PCDHGB2: variants seen among roughly 807,000 people sequenced by gnomAD.
PCDHGB2 encodes the protein protocadherin gamma subfamily B, 2.
In PCDHGB2, 55 loss-of-function variants were observed where a neutral mutation model predicts 59.3. The ratio of observed to expected loss-of-function variants is 0.93; its 90% CI spans 0.75 to 1.16. The LOEUF (loss-of-function observed/expected upper bound fraction) is 1.16. PCDHGB2 is among the 50% of genes most tolerant of loss of function. The pLI is 0.00. For missense variants in PCDHGB2, 1,228 were observed against 1,198.5 expected (o/e 1.02, Z -0.36); for synonymous variants, 516 against 512.0 (o/e 1.01, Z -0.11).
chr5:141,395,542 TTGTGTGTGTG>T lies in PCDHGB2; in HGVS notation c.2421+33026_2421+33035del, dbSNP rs55729045. 945 of 172,430 alleles carry T rather than the reference TTGTGTGTGTG, an allele frequency of 5.5e-3. 2 individuals carry two copies. The highest frequency in any genetic ancestry group is 0.011 in the African/African-American group (192 of 17,544). 10.7% of individuals were successfully genotyped at this position (172,430 alleles called of 1,614,324 possible). A position where few individuals can be genotyped will look rare whatever the true frequency, so the allele number is the denominator to read the frequency against. On this transcript the variant is annotated intron_variant, in intron 1 of 3. Coordinates refer to ENST00000522605, the MANE Select transcript of PCDHGB2 (RefSeq NM_018923.3). ...TCCATACTGGTAATTTTGCTATTGT[TTGTGTGTGTG>T]TGTGTGTGTGTGTGTGTGTGTGTGT...
chr5:141,395,655 A>G (rs1302159911), intron 1 of PCDHGB2: 1 of 164,294 alleles, frequency 6.1e-6, no homozygotes, highest in East Asian at 1.8e-4. Context: ...GCTTAGCAAA[A>G]GTAAAATATA....
intron 1 of PCDHGB2, among the ~76,000 whole-genome samples, chr5:141,443,210 G>A (rs142248407): frequency 3.2e-4 from 49 of 151,888 alleles, no homozygotes; most frequent in African/African-American, 9.4e-4. Context: ...AGCTTGTCTC[G>A]CCAGGCGCAT....
chr5:141,384,178 G>A, intron 1 of PCDHGB2: 2 of 1,613,788 alleles, frequency 1.2e-6, no homozygotes, highest in Non-Finnish European at 1.7e-6. Flanking sequence ...AGCCACAGAT[G>A]GTGGAACTCC....
At chr5:141,415,024 G>T in intron 1 of PCDHGB2, 1 of 1,613,568 alleles carries the variant, frequency 6.2e-7, no homozygotes, top group Non-Finnish European at 8.5e-7. Flanking sequence ...CAAGGCCAGC[G>T]AGCCGGGACT....
chr5:141,410,329 G>A, intron 1 of PCDHGB2: 4 of 1,613,982 alleles, frequency 2.5e-6, no homozygotes, highest in Non-Finnish European at 3.4e-6. Flanking sequence ...CCGTGATTCT[G>A]GCCATTGCCT....
intron 1 of PCDHGB2, chr5:141,410,350 A>G (rs2154543015): frequency 1.2e-6 from 2 of 1,613,912 alleles, no homozygotes; most frequent in South Asian, 1.1e-5. Context: ...TGCGCCTGCG[A>G]CGCTCTCTCA....
chr5:141,417,004 AT>A (rs1462550813), intron 1 of PCDHGB2: 1 of 149,888 alleles, frequency 6.7e-6, no homozygotes, highest in African/African-American at 2.5e-5. Context: ...ATCTCAAATA[AT>A]TCTATTATTT....
chr5:141,504,752 A>G (rs1194764381), intron 2 of PCDHGB2, among the ~76,000 whole-genome samples: 23 of 151,894 alleles, frequency 1.5e-4, no homozygotes, highest in Non-Finnish European at 3.2e-4. Flanking sequence ...TGAATTTTAG[A>G]AATTTCTTCT....
intron 1 of PCDHGB2, chr5:141,375,368 A>G (rs774708513): frequency 1.9e-6 from 3 of 1,613,754 alleles, no homozygotes; most frequent in East Asian, 4.5e-5. Context: ...GGACAAAGGA[A>G]CACCACCTCT....
intron 1 of PCDHGB2, chr5:141,400,525 G>C: frequency 2.5e-6 from 4 of 1,613,908 alleles, no homozygotes; most frequent in Non-Finnish European, 2.5e-6. Flanking sequence ...TCCTGAGTTG[G>C]TGAGTTTCAT....
In PCDHGB2 at chr5:141,486,752, C is replaced by G. The variant is rs776406247; in HGVS notation, c.2422-8055C>G. On this transcript the variant is annotated intron_variant, in intron 1 of 3. Transcript: ENST00000522605. The surrounding 1 kb of genome is among the most constrained non-coding windows in gnomAD (Gnocchi z 5.0). ...TGCTACTCGATCCTTTGACTATGAG[C>G]AAACCCAGACACTGCAGTTTGAGGT... 6.2e-7 allele frequency: 1 copy of G among 1,614,244 alleles called. No individual in the cohort carries two copies. The highest frequency in any genetic ancestry group is 1.3e-5 in the African/African-American group (1 of 75,080).
At chr5:141,508,576 C>A (rs1437398161) in intron 3 of PCDHGB2, among the ~76,000 whole-genome samples, 1 of 152,136 alleles carries the variant, frequency 6.6e-6, no homozygotes, top group African/African-American at 2.4e-5. Flanking sequence ...TGCACCCACT[C>A]GGGGTGCTAC....
At chr5:141,381,866 G>A (rs1166624603) in intron 1 of PCDHGB2, among the ~76,000 whole-genome samples, 3 of 53,342 alleles carry the variant, frequency 5.6e-5, no homozygotes, top group Non-Finnish European at 6.8e-5. Flanking sequence ...TTTTGCTCTT[G>A]TTGTCCAGGC....
Position 141,477,540 on chromosome 5 carries a change from C to T in PCDHGB2, c.2422-17267C>T, listed in dbSNP as rs777796922. On this transcript the variant is annotated intron_variant, in intron 1 of 3. Coordinates refer to ENST00000522605, the MANE Select transcript of PCDHGB2 (RefSeq NM_018923.3). The surrounding 1 kb of genome is among the most constrained non-coding windows in gnomAD (Gnocchi z 4.9). Reference sequence around the variant, plus strand: ...GAAGAAAACAACCTCCCCGGGGCTCCAATACTAAACCTAAGTGTCTGGGAC... The same window carrying T: ...GAAGAAAACAACCTCCCCGGGGCTCTAATACTAAACCTAAGTGTCTGGGAC... The T allele has an allele frequency of 6.8e-6, 11 of 1,614,036 alleles. 1 individual carries two copies. Among genetic ancestry groups the T allele is most frequent in the African/African-American group, 2.7e-5 (2 of 74,920 alleles).
intron 2 of PCDHGB2, among the ~76,000 whole-genome samples, chr5:141,498,945 G>C (rs1421135706): frequency 8.0e-6 from 1 of 125,434 alleles, no homozygotes; most frequent in Non-Finnish European, 1.6e-5. Context: ...AAGAAAGAAA[G>C]AAAAAGAGAG....
At chr5:141,435,010 G>A (rs2097736933) in intron 1 of PCDHGB2, among the ~76,000 whole-genome samples, 1 of 151,950 alleles carries the variant, frequency 6.6e-6, no homozygotes, top group Non-Finnish European at 1.5e-5. Flanking sequence ...ATTTATCAAT[G>A]ATAATGCTCT....
At chr5:141,409,734 G>A in intron 1 of PCDHGB2, 1 of 1,613,144 alleles carries the variant, frequency 6.2e-7, no homozygotes, top group East Asian at 2.2e-5. Flanking sequence ...AGCGCGCAGA[G>A]CGGGGTGGTG....
chr5:141,463,535 G>A (rs1178825067), intron 1 of PCDHGB2, among the ~76,000 whole-genome samples: 4 of 137,928 alleles, frequency 2.9e-5, no homozygotes, highest in East Asian at 2.3e-4. Context: ...TAGAAACTCC[G>A]GCTCCCGGGT....
rs1428910817 is a variant in PCDHGB2, at chr5:141,390,296, A to G, written c.2421+27740A>G. ...CTTCCCATCAGGTGAGTTTCCTTTA[A>G]GTATAATTTAATGCTCATTGCCTAC... On this transcript the variant is annotated intron_variant, in intron 1 of 3. Coordinates refer to ENST00000522605, the MANE Select transcript of PCDHGB2 (RefSeq NM_018923.3). 7 of 1,613,806 alleles carry G rather than the reference A, an allele frequency of 4.3e-6. No individual in the cohort carries two copies. The Admixed American group carries it at 1.2e-4, about 27-fold the overall frequency.
Sources: allele counts gnomAD v4.1 joint callset (sites outside exome capture counted in the v4.1 genomes callset), GRCh38; gene constraint gnomAD v4.1.1; non-coding constraint Gnocchi (gnomAD v3.1); transcripts MANE v1.5; gene names NCBI Gene and HGNC (gene_info 2026-07-23, HGNC 2026-07-21).